CCSER1: variants seen among roughly 807,000 people sequenced by gnomAD.
CCSER1 encodes the protein coiled-coil serine rich protein 1, also known as serine-rich coiled-coil domain-containing protein 1.
Under a neutral mutation model 82.0 loss-of-function variants are expected in CCSER1, and 41 were observed. The observed-to-expected ratio is 0.50, with a 90% confidence interval of 0.39 to 0.65. CCSER1 has a LOEUF of 0.65. CCSER1 is among the 30% of genes least tolerant of loss of function. The pLI is 0.00. For missense variants in CCSER1, 1,119 were observed against 1,064.2 expected, an observed-to-expected ratio of 1.05 and a Z score of -0.72; for synonymous variants, 414 against 383.9, an observed-to-expected ratio of 1.08 and a Z score of -0.92.
intron 7 of CCSER1, among the ~76,000 whole-genome samples, chr4:90,773,715 C>A (rs924030099): frequency 5.9e-5 from 9 of 151,972 alleles, no homozygotes; most frequent in African/African-American, 1.9e-4. Flanking sequence ...TAGAATATTT[C>A]TAGTAAAAAC....
chr4:90,244,030 T>C (rs954923927), intron 1 of CCSER1, among the ~76,000 whole-genome samples: 1 of 152,202 alleles, frequency 6.6e-6, no homozygotes, highest in Non-Finnish European at 1.5e-5. Flanking sequence ...CCTTTTGTTT[T>C]CTGTTATCTC....
chr4:90,156,485 C>T (rs1728204969), intron 1 of CCSER1, among the ~76,000 whole-genome samples: 1 of 152,034 alleles, frequency 6.6e-6, no homozygotes, highest in African/African-American at 2.4e-5. Context: ...TTAAAGTCTC[C>T]CATTATTAAT....
At chr4:90,521,840 G>A (rs1168753466) in intron 5 of CCSER1, among the ~76,000 whole-genome samples, 1 of 152,058 alleles carries the variant, frequency 6.6e-6, no homozygotes, top group Non-Finnish European at 1.5e-5. Context: ...AAGCCTAAGA[G>A]AATACTGGTC....
intron 5 of CCSER1, among the ~76,000 whole-genome samples, chr4:90,599,235 G>A (rs1783747671): frequency 6.6e-6 from 1 of 152,122 alleles, no homozygotes; most frequent in Non-Finnish European, 1.5e-5. Flanking sequence ...TACATGTTGA[G>A]GGATAGACCT....
chr4:91,405,234 T>G (rs1752621838), intron 10 of CCSER1, among the ~76,000 whole-genome samples: 1 of 148,130 alleles, frequency 6.8e-6, no homozygotes, highest in Non-Finnish European at 1.5e-5. Flanking sequence ...TTTTTTTTTT[T>G]GTTTTCCATT....
At chr4:91,373,123 T>G (rs1203003180) in intron 10 of CCSER1, among the ~76,000 whole-genome samples, 1 of 152,174 alleles carries the variant, frequency 6.6e-6, no homozygotes, top group South Asian at 2.1e-4. Flanking sequence ...AACTTTATAT[T>G]AATTCATGTT....
chr4:91,182,666 T>TAA (rs1441776028), intron 10 of CCSER1, among the ~76,000 whole-genome samples: 1 of 152,210 alleles, frequency 6.6e-6, no homozygotes, highest in African/African-American at 2.4e-5. Context: ...TTATCTGTTT[T>TAA]AATAGAAGCT....
chr4:91,130,740 A>T lies in CCSER1; in HGVS notation c.2217+44746A>T, dbSNP rs560686195. Among the ~76,000 whole-genome samples the T allele has an allele frequency of 7.6e-4, 115 of 152,010 alleles. No individual in the cohort carries two copies. The Middle Eastern group carries it at 0.014, about 18-fold the overall frequency. On this transcript the variant is annotated intron_variant, in intron 10 of 10. Coordinates refer to ENST00000509176, the MANE Select transcript of CCSER1 (RefSeq NM_001145065.2). The stretch of plus-strand genomic sequence containing the variant: ...AAAAAGTGTTACATATAGTGAGAGA[A>T]GTAATTACCAACTGTTCCACTATCA...
intron 8 of CCSER1, among the ~76,000 whole-genome samples, chr4:90,857,031 G>A (rs961965196): frequency 6.6e-6 from 1 of 151,192 alleles, no homozygotes; most frequent in Non-Finnish European, 1.5e-5. Context: ...TACTTCAATC[G>A]CATATTAATT....
intron 5 of CCSER1, among the ~76,000 whole-genome samples, chr4:90,607,840 T>C (rs955597569): frequency 6.6e-6 from 1 of 152,180 alleles, no homozygotes; most frequent in Non-Finnish European, 1.5e-5. Flanking sequence ...GAAATTCAAC[T>C]TGCCTTTTCC....
intron 4 of CCSER1, among the ~76,000 whole-genome samples, chr4:90,422,991 T>G (rs1756939592): frequency 6.6e-6 from 1 of 152,208 alleles, no homozygotes; most frequent in South Asian, 2.1e-4. Context: ...CTCTTTTGTT[T>G]TCTCCTTGTG....
intron 10 of CCSER1, among the ~76,000 whole-genome samples, chr4:91,378,180 G>A (rs994961856): frequency 3.3e-5 from 5 of 152,142 alleles, no homozygotes; most frequent in Non-Finnish European, 7.3e-5. Flanking sequence ...AAGTCAGGTA[G>A]CGTGATGCCT....
chr4:90,750,368 G>A (rs1329199734), intron 7 of CCSER1, among the ~76,000 whole-genome samples: 3 of 152,046 alleles, frequency 2.0e-5, no homozygotes. Flanking sequence ...AGTTGCTTGG[G>A]TGCATGGAGT....
At chr4:91,243,298 CT>C (rs1435115244) in intron 10 of CCSER1, among the ~76,000 whole-genome samples, 1 of 152,194 alleles carries the variant, frequency 6.6e-6, no homozygotes, top group Non-Finnish European at 1.5e-5. Context: ...GGCTGAAGTG[CT>C]CTGTGTTCCT....
intron 1 of CCSER1, among the ~76,000 whole-genome samples, chr4:90,243,627 A>G (rs1720829393): frequency 6.6e-6 from 1 of 151,914 alleles, no homozygotes; most frequent in South Asian, 2.1e-4. Context: ...GCCTCAAACA[A>G]TCCTACAGTC....
chr4:91,291,792 C>T (rs1743769524), intron 10 of CCSER1, among the ~76,000 whole-genome samples: 2 of 151,884 alleles, frequency 1.3e-5, no homozygotes, highest in Non-Finnish European at 1.5e-5. Context: ...GCATGTGAGG[C>T]TCTGAGTAAA....
intron 6 of CCSER1, among the ~76,000 whole-genome samples, chr4:90,695,229 G>A (rs1405943201): frequency 6.6e-6 from 1 of 151,644 alleles, no homozygotes; most frequent in Admixed American, 6.6e-5. Context: ...AACTTGATAA[G>A]CTCATCAGAT....
At chr4:90,138,256 G>C (rs1724063738) in intron 1 of CCSER1, among the ~76,000 whole-genome samples, 1 of 152,110 alleles carries the variant, frequency 6.6e-6, no homozygotes, top group Non-Finnish European at 1.5e-5. Flanking sequence ...CAGTGGCACA[G>C]TCATATCTCA....
intron 8 of CCSER1, among the ~76,000 whole-genome samples, chr4:90,913,889 G>A (rs1036786601): frequency 6.6e-6 from 1 of 152,008 alleles, no homozygotes; most frequent in East Asian, 1.9e-4. Context: ...AATCAAAAGA[G>A]ACAAAGAAGG....
Sources: allele counts gnomAD v4.1 joint callset (sites outside exome capture counted in the v4.1 genomes callset), GRCh38; gene constraint gnomAD v4.1.1; transcripts MANE v1.5; gene names NCBI Gene and HGNC (gene_info 2026-07-23, HGNC 2026-07-21).